Variants in ACOX1 observed in about 807,000 individuals in gnomAD.
The protein encoded by ACOX1 is acyl-CoA oxidase 1.
A neutral mutation model predicts 75.5 loss-of-function variants in ACOX1; 41 were observed. The observed-to-expected ratio is 0.54, with a 90% confidence interval of 0.42 to 0.70. The LOEUF (loss-of-function observed/expected upper bound fraction) is 0.70, where lower values mean the gene tolerates loss of function less well. ACOX1 is among the 30% of genes least tolerant of loss of function. ACOX1 has a pLI of 0.00. For synonymous variants in ACOX1, 303 were observed against 298.8 expected (o/e 1.01, Z -0.15); for missense variants, 630 against 837.5 (o/e 0.75, Z 3.06).
At chr17:75,972,469 A>G (rs1310390684) in intron 2 of ACOX1, among the ~76,000 whole-genome samples, 1 of 151,422 alleles carries the variant, frequency 6.6e-6, no homozygotes, top group African/African-American at 2.4e-5. Flanking sequence ...CAACATGGAG[A>G]AACCACGTCT....
intron 4 of ACOX1, among the ~76,000 whole-genome samples, chr17:75,956,424 C>T (rs2065824348): frequency 6.6e-6 from 1 of 152,166 alleles, no homozygotes; most frequent in Non-Finnish European, 1.5e-5. Context: ...GGCACGGTGG[C>T]TCGCGCCTGT....
Position 75,950,979 on chromosome 17 carries a change from A to T in ACOX1, c.1108-15T>A, listed in dbSNP as rs756847030. 2 of 1,613,020 alleles carry T rather than the reference A, an allele frequency of 1.2e-6. No homozygotes were observed. Among genetic ancestry groups the T allele is most frequent in the African/African-American group, 2.7e-5 (2 of 74,900 alleles). Reference sequence around the variant, plus strand: ...AGGGCATGAAGCTGAGAGGACAAGCACAGATCTGTCAGGACATCTGTGGTG... The same window carrying T: ...AGGGCATGAAGCTGAGAGGACAAGCTCAGATCTGTCAGGACATCTGTGGTG... On this transcript the variant is annotated splice_polypyrimidine_tract_variant and intron_variant, in intron 8 of 13. Transcript: ENST00000293217. This position sits in a 1 kb window ranked among gnomAD's most constrained non-coding sequence, Gnocchi z 4.3.
chr17:75,965,976 A>G (rs887223008), intron 2 of ACOX1, among the ~76,000 whole-genome samples: 1 of 151,774 alleles, frequency 6.6e-6, no homozygotes, highest in Non-Finnish European at 1.5e-5. Flanking sequence ...CTAAAAATAC[A>G]AAAATTAGAT....
intron 7 of ACOX1, among the ~76,000 whole-genome samples, chr17:75,952,127 C>T (rs2065780443): frequency 6.6e-6 from 1 of 152,114 alleles, no homozygotes; most frequent in Non-Finnish European, 1.5e-5. Flanking sequence ...CAACGCTAGT[C>T]AACCTAATAA....
At chr17:75,947,285 T>C (rs2065730204) in intron 13 of ACOX1, among the ~76,000 whole-genome samples, 1 of 151,746 alleles carries the variant, frequency 6.6e-6, no homozygotes, top group Non-Finnish European at 1.5e-5. Context: ...CTCGCTCTTG[T>C]TGCCCAGGCT....
In ACOX1 at chr17:75,962,484, G is replaced by A. The variant is rs538599388; in HGVS notation, c.270-2109C>T. ...GCTCCAAATCCGTCAACTCCATATT[G>A]CTCTTATCATTCTATGTGTCTTTGA... On this transcript the variant is annotated intron_variant, in intron 2 of 13. Transcript: ENST00000293217. 1.2e-4 allele frequency among the ~76,000 whole-genome samples: 18 copies of A among 152,176 alleles called. 1 individual carries two copies. Among genetic ancestry groups the A allele is most frequent in the Admixed American group, 1.1e-3 (17 of 15,274 alleles).
At chr17:75,971,971 AAC>A (rs371749541) in intron 2 of ACOX1, among the ~76,000 whole-genome samples, 7 of 151,840 alleles carry the variant, frequency 4.6e-5, no homozygotes, top group Non-Finnish European at 1.0e-4. Context: ...TCAAAATTAC[AAC>A]ACACACACAC....
Position 75,973,399 on chromosome 17 carries a change from A to T in ACOX1, c.269+5135T>A, listed in dbSNP as rs895113225. On this transcript the variant is annotated intron_variant, in intron 2 of 13. Transcript: ENST00000293217. ...TAAACCCCATCTTTTCAAGCTGTTC[A>T]ATAATAAAAGGCTTTAGGAAATAAC... is the stretch of plus-strand genomic sequence containing the variant. 3.5e-5 allele frequency: 20 copies of T among 578,044 alleles called. No individual in the cohort carries two copies. The Admixed American group carries it at 5.9e-4, about 17-fold the overall frequency. The allele number at this position is 578,044 out of a possible 1,614,324, so 35.8% of individuals were successfully genotyped here.
At chr17:75,948,745 G>A (rs1372290706) in intron 12 of ACOX1, among the ~76,000 whole-genome samples, 1 of 151,752 alleles carries the variant, frequency 6.6e-6, no homozygotes, top group Non-Finnish European at 1.5e-5. Flanking sequence ...GTAGAGATGG[G>A]GTTTCTCCAT....
At chr17:75,948,139 G>A in intron 13 of ACOX1, 112 bp downstream of exon 13, 2 of 1,049,934 alleles carry the variant, frequency 1.9e-6, no homozygotes, top group Non-Finnish European at 2.9e-6. Flanking sequence ...ACTGTCAGAA[G>A]TGGCCATGGT....
chr17:75,958,542 C>T (rs868281927), intron 3 of ACOX1, among the ~76,000 whole-genome samples: 24 of 148,238 alleles, frequency 1.6e-4, no homozygotes, highest in Admixed American at 1.3e-3. Flanking sequence ...GGCACGGTGG[C>T]TCACGCCTGT....
intron 2 of ACOX1, among the ~76,000 whole-genome samples, chr17:75,970,221 T>C (rs1342439484): frequency 8.0e-6 from 1 of 125,028 alleles, no homozygotes; most frequent in South Asian, 2.5e-4. Flanking sequence ...AGGAAGGAAG[T>C]GAGCAAGCAA....
rs571132484 is a variant in ACOX1 at position 75,941,699 on chromosome 17, C to T, written c.*5049G>A. ...CCCACAGGACACCATTAAGCCAGGG[C>T]TGGGTAACAACATATGCTCAATGCA... is the stretch of plus-strand genomic sequence containing the variant. On this transcript the variant is annotated 3_prime_UTR_variant, in exon 14 of 14. Coordinates refer to ENST00000293217, the MANE Select transcript of ACOX1 (RefSeq NM_004035.7). 2.0e-5 allele frequency: 3 copies of T among 152,370 alleles called. No individual in the cohort carries two copies. Among genetic ancestry groups the T allele is most frequent in the Non-Finnish European group, 4.4e-5 (3 of 68,076 alleles). 9.4% of individuals were successfully genotyped at this position (152,370 alleles called of 1,614,324 possible).
At chr17:75,957,760 A>G (rs1412311250) in intron 3 of ACOX1, among the ~76,000 whole-genome samples, 194 bp from the exon 4 acceptor site, 1 of 152,218 alleles carries the variant, frequency 6.6e-6, no homozygotes, top group African/African-American at 2.4e-5. Flanking sequence ...ATGGTTTCCT[A>G]TTAAGTTGAA....
intron 4 of ACOX1, 86 bp downstream of exon 4, chr17:75,957,373 G>A (rs966612499): frequency 1.2e-5 from 15 of 1,244,850 alleles, no homozygotes; most frequent in Admixed American, 3.4e-5. Context: ...AAGTCTGGCC[G>A]ACATTATCAT....
chr17:75,954,568 CTTTTTTT>C (rs778030630), intron 6 of ACOX1, among the ~76,000 whole-genome samples: 1 of 115,654 alleles, frequency 8.6e-6, no homozygotes, highest in Non-Finnish European at 1.7e-5. Flanking sequence ...TTATTAGCTC[CTTTTTTT>C]TTTTTTTTTT....
intron 6 of ACOX1, among the ~76,000 whole-genome samples, chr17:75,954,901 C>T (rs2065809970): frequency 6.8e-6 from 1 of 147,082 alleles, no homozygotes; most frequent in South Asian, 2.2e-4. Context: ...CGGAGTCTCA[C>T]TCTGTTGCCA....
chr17:75,957,529 A>G lies in ACOX1; in HGVS notation c.468T>C (p.Tyr156=), dbSNP rs542410903. The G allele has an allele frequency of 9.3e-6, 15 of 1,614,224 alleles. No homozygotes were observed. The South Asian group carries it at 1.6e-4, about 18-fold the overall frequency. The change falls in exon 4 of 14, where the codon TAT becomes TAC. Residue 156 remains tyrosine, a synonymous_variant. Coordinates refer to ENST00000293217, the MANE Select transcript of ACOX1 (RefSeq NM_004035.7). ...GAATGAACTCCTGGGTTTCAGGGTC[A>G]TACGTGGCTGTGGTTTCCAAGCCTC... The part of the protein sequence containing the change: ...HLRGLETTAT[Y]DPETQEFILN...
rs184620623 is a variant in ACOX1, at chr17:75,976,295, G to T, written c.269+2239C>A. On this transcript the variant is annotated intron_variant, in intron 2 of 13. Coordinates refer to ENST00000293217, the MANE Select transcript of ACOX1 (RefSeq NM_004035.7). The stretch of plus-strand genomic sequence containing the variant: ...CCATGAATCTTTAACCCGCATAAAA[G>T]ACTTTGTTCTATTTCATTGTGACCT... 1.1e-3 allele frequency among the ~76,000 whole-genome samples: 163 copies of T among 152,146 alleles called. No individual in the cohort carries two copies. In the Middle Eastern group the frequency reaches 0.034, roughly 32 times the overall value.
Sources: allele counts gnomAD v4.1 joint callset (sites outside exome capture counted in the v4.1 genomes callset), GRCh38; gene constraint gnomAD v4.1.1; non-coding constraint Gnocchi (gnomAD v3.1); transcripts MANE v1.5; gene names NCBI Gene and HGNC (gene_info 2026-07-23, HGNC 2026-07-21).